The following PTPRD variants were observed in gnomAD, a reference collection of about 807,000 sequenced individuals.
The protein encoded by PTPRD is protein tyrosine phosphatase receptor type D, also known as receptor-type tyrosine-protein phosphatase delta.
Under a neutral mutation model 214.5 loss-of-function variants are expected in PTPRD, and 34 were observed. That is an observed-to-expected ratio of 0.16 (90% confidence interval 0.12 to 0.21). The LOEUF (loss-of-function observed/expected upper bound fraction) is 0.21, where lower values mean the gene tolerates loss of function less well. Among genes scored for constraint, PTPRD ranks in the 10% least tolerant of loss-of-function variants. The pLI is 1.00. For missense variants in PTPRD, 2,545 were observed against 2,398.7 expected (o/e 1.06, Z -1.27); for synonymous variants, 1,128 against 845.7 (o/e 1.33, Z -5.79).
chr9:8,733,949 G>A lies in PTPRD; in HGVS notation c.-103-3C>T. ...TTCAGCTGGAACACTTTCAGAGCCT[G>A]AAAGCGGGGAGGAAGAGAAAAGAAA... On this transcript the variant is annotated splice_polypyrimidine_tract_variant and splice_region_variant and intron_variant, in intron 11 of 45. Coordinates refer to ENST00000381196, the MANE Select transcript of PTPRD (RefSeq NM_002839.4). 1 of 1,124,768 alleles carries A rather than the reference G, an allele frequency of 8.9e-7. No homozygotes were observed. The highest frequency in any genetic ancestry group is 1.3e-6 in the Non-Finnish European group (1 of 773,522). The allele number at this position is 1,124,768 out of a possible 1,614,324, so 69.7% of individuals were successfully genotyped here.
chr9:9,965,941 G>C (rs779307791), intron 4 of PTPRD, among the ~76,000 whole-genome samples: 3 of 152,138 alleles, frequency 2.0e-5, no homozygotes, highest in East Asian at 3.9e-4. Flanking sequence ...ACAGATAATT[G>C]CATGTATGCA....
chr9:10,353,767 T>G (rs2097220896), intron 2 of PTPRD, among the ~76,000 whole-genome samples: 1 of 152,000 alleles, frequency 6.6e-6, no homozygotes, highest in South Asian at 2.1e-4. Flanking sequence ...TTCATTAACT[T>G]TAAACTCATG....
chr9:9,098,542 C>G (rs572706506), intron 10 of PTPRD, among the ~76,000 whole-genome samples: 1 of 152,172 alleles, frequency 6.6e-6, no homozygotes, highest in African/African-American at 2.4e-5. Context: ...AGCCACCATG[C>G]CTGGCCTGTT....
chr9:9,716,251 C>A (rs1179908196), intron 7 of PTPRD, among the ~76,000 whole-genome samples: 1 of 151,968 alleles, frequency 6.6e-6, no homozygotes. Context: ...TTCAGTCTAT[C>A]ATTGTTGGAC....
chr9:9,159,144 G>A (rs1226637937), intron 10 of PTPRD, among the ~76,000 whole-genome samples: 1 of 152,050 alleles, frequency 6.6e-6, no homozygotes, highest in Non-Finnish European at 1.5e-5. Flanking sequence ...TAAGGTCAGG[G>A]ACAAGACAAG....
At chr9:9,778,696 T>C (rs1158991933) in intron 5 of PTPRD, among the ~76,000 whole-genome samples, 2 of 152,116 alleles carry the variant, frequency 1.3e-5, no homozygotes, top group Non-Finnish European at 2.9e-5. Flanking sequence ...TGCTCTACGT[T>C]CATACACTCC....
chr9:9,533,557 C>G (rs2075933005), intron 8 of PTPRD, among the ~76,000 whole-genome samples: 1 of 151,802 alleles, frequency 6.6e-6, no homozygotes, highest in Non-Finnish European at 1.5e-5. Flanking sequence ...ATGCATTATT[C>G]AGAGCTGTGT....
chr9:9,884,982 T>C (rs576590971), intron 5 of PTPRD, among the ~76,000 whole-genome samples: 96 of 152,158 alleles, frequency 6.3e-4, no homozygotes, highest in Middle Eastern at 3.4e-3. Flanking sequence ...TAATACAAGG[T>C]GGCTTTCAGA....
chr9:9,124,385 T>A (rs1233441214), intron 10 of PTPRD, among the ~76,000 whole-genome samples: 1 of 152,134 alleles, frequency 6.6e-6, no homozygotes, highest in African/African-American at 2.4e-5. Context: ...TAAATAACTA[T>A]CTTAAAATAG....
intron 2 of PTPRD, among the ~76,000 whole-genome samples, chr9:10,410,249 T>G (rs1587562957): frequency 2.3e-5 from 1 of 42,564 alleles, no homozygotes; most frequent in African/African-American, 6.2e-5. Context: ...TGGACATATT[T>G]TGTGTATATA....
intron 12 of PTPRD, among the ~76,000 whole-genome samples, chr9:8,706,176 TA>T (rs1377805153): frequency 3.3e-5 from 5 of 151,008 alleles, no homozygotes; most frequent in African/African-American, 9.7e-5. Context: ...AACACTGAAT[TA>T]AAAAAAAAGA....
intron 7 of PTPRD, among the ~76,000 whole-genome samples, chr9:9,690,805 CT>C (rs1423626688): frequency 1.3e-5 from 2 of 151,766 alleles, no homozygotes; most frequent in Non-Finnish European, 2.9e-5. Flanking sequence ...GGTCTCTATT[CT>C]GTTTCATTGG....
intron 11 of PTPRD, among the ~76,000 whole-genome samples, chr9:8,891,207 C>T (rs1161339515): frequency 7.0e-6 from 1 of 142,106 alleles, no homozygotes; most frequent in Non-Finnish European, 1.5e-5. Flanking sequence ...GATCTCCACT[C>T]ACTGCAAGCT....
At position 8,500,882 on chromosome 9, in the gene PTPRD, G is replaced by A. The variant is rs191877533; in HGVS notation, c.2000C>T (p.Ser667Leu). The A allele has an allele frequency of 6.2e-5, 100 of 1,614,122 alleles. No homozygotes were observed. Among genetic ancestry groups the A allele is most frequent in the Non-Finnish European group, 7.5e-5 (89 of 1,180,012 alleles). The change falls in exon 24 of 46, where the codon TCG becomes TTG. Residue 667 changes from serine to leucine, a missense_variant. Ser to Leu is a moderately radical substitution (Grantham distance 145). Coordinates refer to ENST00000381196, the MANE Select transcript of PTPRD (RefSeq NM_002839.4). ...DKPHEILGIP[S>L]DTTKYLLEQL... The stretch of plus-strand genomic sequence containing the variant: ...TTCCAAAAGGTATTTGGTAGTGTCC[G>A]AAGGAATTCCCAAAATCTCGTGAGG...
At chr9:9,600,198 CTTTGTG>C (rs1285518117) in intron 7 of PTPRD, among the ~76,000 whole-genome samples, 2 of 152,038 alleles carry the variant, frequency 1.3e-5, no homozygotes, top group East Asian at 3.9e-4. Context: ...CTAGCAAGGT[CTTTGTG>C]ACACAAATTA....
At chr9:10,228,477 G>C (rs2099596608) in intron 3 of PTPRD, among the ~76,000 whole-genome samples, 1 of 151,776 alleles carries the variant, frequency 6.6e-6, no homozygotes, top group Non-Finnish European at 1.5e-5. Context: ...AGAACTCTAA[G>C]AACTATAATT....
Position 10,442,830 on chromosome 9 carries a change from T to C in PTPRD, c.-599-101813A>G, listed in dbSNP as rs115623629. On this transcript the variant is annotated intron_variant, in intron 2 of 45. Transcript: ENST00000381196. Reference sequence around the variant, plus strand: ...ATTTTTGCTTGTTGGGAAAATAGGATACACTAATAATTAGACTAAAATATA... The same window carrying C: ...ATTTTTGCTTGTTGGGAAAATAGGACACACTAATAATTAGACTAAAATATA... 6.2e-3 allele frequency among the ~76,000 whole-genome samples: 946 copies of C among 151,614 alleles called. 8 individuals are homozygous for C. Among genetic ancestry groups the C allele is most frequent in the African/African-American group, 0.021 (889 of 41,476 alleles).
At chr9:9,818,788 C>T (rs1383921100) in intron 5 of PTPRD, among the ~76,000 whole-genome samples, 5 of 151,384 alleles carry the variant, frequency 3.3e-5, no homozygotes, top group South Asian at 2.1e-4. Flanking sequence ...TAGTGGTGTG[C>T]GCCTGTAATC....
chr9:8,760,814 T>A (rs1378381385), intron 11 of PTPRD, among the ~76,000 whole-genome samples: 1 of 152,182 alleles, frequency 6.6e-6, no homozygotes, highest in Non-Finnish European at 1.5e-5. Flanking sequence ...AAAGGTTTTA[T>A]CTCGTACAAG....
Sources: allele counts gnomAD v4.1 joint callset (sites outside exome capture counted in the v4.1 genomes callset), GRCh38; gene constraint gnomAD v4.1.1; transcripts MANE v1.5; gene names NCBI Gene and HGNC (gene_info 2026-07-23, HGNC 2026-07-21).